The following TCF4 variants were observed in gnomAD, a reference collection of about 807,000 sequenced individuals.
TCF4 encodes the protein transcription factor 4, also known as SL3-3 enhancer factor 2.
A neutral mutation model predicts 82.1 loss-of-function variants in TCF4; 3 were observed. That is an observed-to-expected ratio of 0.04 (90% CI 0.02 to 0.09). The LOEUF (loss-of-function observed/expected upper bound fraction) is 0.09. TCF4 is among the 10% of genes least tolerant of loss of function. TCF4 has a pLI of 1.00. For synonymous variants in TCF4, 276 were observed against 309.6 expected, an observed-to-expected ratio of 0.89 and a Z score of 1.14; for missense variants, 518 against 852.7, an observed-to-expected ratio of 0.61 and a Z score of 4.89.
At chr18:55,515,525 T>G (rs2096872825) in intron 3 of TCF4, among the ~76,000 whole-genome samples, 1 of 152,170 alleles carries the variant, frequency 6.6e-6, no homozygotes, top group Non-Finnish European at 1.5e-5. Context: ...TCTTCTGTGT[T>G]AAGAAAAACT....
intron 5 of TCF4, among the ~76,000 whole-genome samples, chr18:55,407,815 C>T (rs1268974597): frequency 6.6e-6 from 1 of 152,082 alleles, no homozygotes; most frequent in Non-Finnish European, 1.5e-5. Context: ...GTATTATCAG[C>T]CATTTGACTT....
intron 2 of TCF4, among the ~76,000 whole-genome samples, chr18:55,603,718 A>G (rs564056534): frequency 3.3e-5 from 5 of 152,292 alleles, no homozygotes; most frequent in Non-Finnish European, 7.4e-5. Context: ...GAGAGCTGCT[A>G]TCAACCCCAA....
intron 8 of TCF4, among the ~76,000 whole-genome samples, chr18:55,282,807 A>G (rs2062883074): frequency 6.6e-6 from 1 of 152,076 alleles, no homozygotes; most frequent in African/African-American, 2.4e-5. Flanking sequence ...TATGAGGAAA[A>G]TCTAATGAGA....
intron 1 of TCF4, among the ~76,000 whole-genome samples, chr18:55,632,754 A>G (rs763559988): frequency 2.5e-4 from 38 of 152,262 alleles, no homozygotes; most frequent in Non-Finnish European, 4.8e-4. Flanking sequence ...GATTGAATAT[A>G]GGGTGTGAAG....
At chr18:55,624,550 G>C (rs1199730494) in intron 2 of TCF4, among the ~76,000 whole-genome samples, 1 of 149,696 alleles carries the variant, frequency 6.7e-6, no homozygotes, top group Admixed American at 6.8e-5. Flanking sequence ...AAAGTCACCA[G>C]GGAGAAGTTG....
At chr18:55,270,188 T>A (rs1209486658) in intron 10 of TCF4, among the ~76,000 whole-genome samples, 1 of 152,108 alleles carries the variant, frequency 6.6e-6, no homozygotes, top group Non-Finnish European at 1.5e-5. Flanking sequence ...AGGGATATAA[T>A]GGCAATGAGG....
chr18:55,620,996 G>C (rs2097717379), intron 2 of TCF4, among the ~76,000 whole-genome samples: 1 of 151,982 alleles, frequency 6.6e-6, no homozygotes, highest in Non-Finnish European at 1.5e-5. Flanking sequence ...TGGGCCAATA[G>C]TATGCACAAT....
intron 5 of TCF4, among the ~76,000 whole-genome samples, chr18:55,457,229 CACTT>C (rs936791813): frequency 7.2e-5 from 11 of 152,318 alleles, no homozygotes; most frequent in East Asian, 5.8e-4. Context: ...TTCTTTAAAA[CACTT>C]ACAAGTATCA....
chr18:55,507,637 G>A (rs1568265844), intron 3 of TCF4, among the ~76,000 whole-genome samples: 1 of 152,050 alleles, frequency 6.6e-6, no homozygotes, highest in Non-Finnish European at 1.5e-5. Flanking sequence ...TGGATATCAG[G>A]CAACTACACA....
At chr18:55,349,479 T>C (rs976775577) in intron 8 of TCF4, among the ~76,000 whole-genome samples, 2 of 152,042 alleles carry the variant, frequency 1.3e-5, no homozygotes, top group Non-Finnish European at 2.9e-5. Context: ...ACAATAAGTC[T>C]CAGCATTCTT....
chr18:55,626,460 CAG>C (rs2097726629), intron 2 of TCF4, among the ~76,000 whole-genome samples: 1 of 152,180 alleles, frequency 6.6e-6, no homozygotes, highest in African/African-American at 2.4e-5. Flanking sequence ...GAGGACATCA[CAG>C]GTGGAATTTT....
At chr18:55,476,325 A>G (rs564435901) in intron 3 of TCF4, among the ~76,000 whole-genome samples, 8 of 152,214 alleles carry the variant, frequency 5.3e-5, no homozygotes, top group Non-Finnish European at 1.0e-4. Context: ...TGACCCCAAA[A>G]AAGACTGTGA....
intron 6 of TCF4, among the ~76,000 whole-genome samples, chr18:55,386,016 C>A (rs147652044): frequency 6.6e-6 from 1 of 152,206 alleles, no homozygotes; most frequent in Non-Finnish European, 1.5e-5. Flanking sequence ...GCATTCATGA[C>A]CAACAAGCTG....
chr18:55,518,330 C>A (rs545597769), intron 3 of TCF4, among the ~76,000 whole-genome samples: 94 of 151,974 alleles, frequency 6.2e-4, no homozygotes, highest in African/African-American at 2.2e-3. Flanking sequence ...AACAAAATTT[C>A]AAAGACTCTA....
At chr18:55,555,100 T>C (rs779034533) in intron 3 of TCF4, among the ~76,000 whole-genome samples, 2 of 152,226 alleles carry the variant, frequency 1.3e-5, no homozygotes, top group Non-Finnish European at 2.9e-5. Flanking sequence ...CTCTCATTCA[T>C]ATTTCTTTTC....
intron 15 of TCF4, among the ~76,000 whole-genome samples, chr18:55,242,587 C>T (rs533983636): frequency 6.6e-6 from 1 of 151,854 alleles, no homozygotes; most frequent in East Asian, 1.9e-4. Flanking sequence ...AAAATAAACA[C>T]GTCTATGACT....
Position 55,232,492 on chromosome 18 carries a change from G to A in TCF4, c.1649+17C>T. 1 of 1,613,604 alleles carries A rather than the reference G, an allele frequency of 6.2e-7. No individual in the cohort carries two copies. Among genetic ancestry groups the A allele is most frequent in the Non-Finnish European group, 8.5e-7 (1 of 1,179,526 alleles). On this transcript the variant is annotated intron_variant, in intron 17 of 19. Coordinates refer to ENST00000354452, the MANE Select transcript of TCF4 (RefSeq NM_001083962.2). Reference sequence around the variant, plus strand: ...AATAAAGGAATTAAATGAAGCGACAGTATTATATACTGTTACCTAGATCTT... The same window carrying A: ...AATAAAGGAATTAAATGAAGCGACAATATTATATACTGTTACCTAGATCTT...
At chr18:55,376,854 C>T (rs554343964) in intron 6 of TCF4, among the ~76,000 whole-genome samples, 12 of 152,256 alleles carry the variant, frequency 7.9e-5, no homozygotes, top group African/African-American at 2.9e-4. Context: ...TTAATCAAGC[C>T]TTTTTTACAG....
intron 6 of TCF4, among the ~76,000 whole-genome samples, chr18:55,403,073 C>T (rs960135670): frequency 1.3e-5 from 2 of 152,128 alleles, no homozygotes; most frequent in East Asian, 1.9e-4. Context: ...AATAGCCACC[C>T]GAAACCCAGG....
Sources: allele counts gnomAD v4.1 joint callset (sites outside exome capture counted in the v4.1 genomes callset), GRCh38; gene constraint gnomAD v4.1.1; transcripts MANE v1.5; gene names NCBI Gene and HGNC (gene_info 2026-07-23, HGNC 2026-07-21).